Variants in LRRC74A observed in about 807,000 individuals in gnomAD.
LRRC74A encodes leucine-rich repeat-containing protein 74A.
In LRRC74A, 44 loss-of-function variants were observed where a neutral mutation model predicts 57.9. That is an observed-to-expected ratio of 0.76 (90% CI 0.60 to 0.98). The LOEUF (loss-of-function observed/expected upper bound fraction) is 0.98. Among genes scored for constraint, LRRC74A ranks in the 50% least tolerant of loss-of-function variants. The probability of loss-of-function intolerance (pLI) is 0.00; values close to 1 mark genes in which losing one functional copy is unlikely to be tolerated. For synonymous variants in LRRC74A, 211 were observed against 219.4 expected (o/e 0.96, Z 0.34); for missense variants, 572 against 574.0 (o/e 1.00, Z 0.04).
chr14:76,853,792 C>T lies in LRRC74A; in HGVS notation c.957+382C>T, dbSNP rs1186613946. On this transcript the variant is annotated intron_variant, in intron 9 of 13. Coordinates refer to ENST00000689127, the MANE Select transcript of LRRC74A (RefSeq NM_001385106.1). Reference sequence around the variant, plus strand: ...TTTTGAGACAGGGTCTGGCTCTGTCCCCCAGGCTGGAGTGCAGTGGTACAA... The same window carrying T: ...TTTTGAGACAGGGTCTGGCTCTGTCTCCCAGGCTGGAGTGCAGTGGTACAA... 3.9e-5 allele frequency among the ~76,000 whole-genome samples: 6 copies of T among 151,980 alleles called. No individual in the cohort carries two copies. The South Asian group carries it at 8.3e-4, about 21-fold the overall frequency.
chr14:76,847,499 C>T (rs1273494105), intron 7 of LRRC74A, among the ~76,000 whole-genome samples: 9 of 151,762 alleles, frequency 5.9e-5, no homozygotes, highest in East Asian at 5.8e-4. Flanking sequence ...TGAGAACACA[C>T]GAACACAGAG....
intron 3 of LRRC74A, among the ~76,000 whole-genome samples, chr14:76,831,621 T>C (rs533061459): frequency 2.2e-4 from 34 of 152,122 alleles, no homozygotes; most frequent in Admixed American, 5.9e-4. Flanking sequence ...AAAATAGAAG[T>C]CTATATACTC....
chr14:76,857,036 T>C (rs187407849), intron 9 of LRRC74A, among the ~76,000 whole-genome samples: 1 of 149,136 alleles, frequency 6.7e-6, no homozygotes, highest in African/African-American at 2.5e-5. Context: ...AGCAGTGAGA[T>C]GGATGAGTAT....
rs1896984689 is a variant in LRRC74A, at chr14:76,844,444, C to T, written c.566C>T (p.Ser189Phe). 1 of 1,612,520 alleles carries T rather than the reference C, an allele frequency of 6.2e-7. No individual in the cohort carries two copies. Among genetic ancestry groups the T allele is most frequent in the South Asian group, 1.1e-5 (1 of 90,664 alleles). Residue 189 changes from serine (S) to phenylalanine (F), a missense_variant, in exon 6 of 14, where the codon TCC (serine) becomes TTC (phenylalanine). Ser to Phe is a radical substitution (Grantham distance 155, BLOSUM62 -2). Transcript: ENST00000689127. ...ACAGGAAATGACTTCAAGGAAGACTCCGCAGCACTGCTCTGCCAAGCCCTG... is the reference window on the plus strand; with the variant it reads ...ACAGGAAATGACTTCAAGGAAGACTTCGCAGCACTGCTCTGCCAAGCCCTG... The part of the protein sequence containing the change: ...ELSGNDFKED[S>F]AALLCQALST...
intron 7 of LRRC74A, among the ~76,000 whole-genome samples, chr14:76,847,110 G>A (rs1897160284): frequency 6.6e-6 from 1 of 152,158 alleles, no homozygotes; most frequent in Non-Finnish European, 1.5e-5. Flanking sequence ...GAAAAGCGAG[G>A]TGGCAGGAGC....
chr14:76,850,877 G>GAAAC (rs1897434652), intron 7 of LRRC74A, among the ~76,000 whole-genome samples: 1 of 148,222 alleles, frequency 6.7e-6, no homozygotes, highest in South Asian at 2.2e-4. Flanking sequence ...AAGAAAGAAA[G>GAAAC]AAAGAAAAGA....
At chr14:76,856,967 TTGGATGGATGGATGGATGGA>T (rs150995860) in intron 9 of LRRC74A, among the ~76,000 whole-genome samples, 7 of 123,912 alleles carry the variant, frequency 5.6e-5, no homozygotes, top group South Asian at 5.4e-4. Flanking sequence ...AAGTTGGTGG[TTGGATGGATGGATGGATGGA>T]TGGATGGATG....
intron 11 of LRRC74A, among the ~76,000 whole-genome samples, chr14:76,865,277 A>G (rs1253736886): frequency 1.3e-5 from 2 of 152,158 alleles, no homozygotes; most frequent in African/African-American, 4.8e-5. Flanking sequence ...TCCAAAATAC[A>G]GTATTTGAGG....
At chr14:76,829,056 T>C (rs1370358776) in intron 2 of LRRC74A, 1 of 1,289,386 alleles carries the variant, frequency 7.8e-7, no homozygotes, top group African/African-American at 1.5e-5. Flanking sequence ...ACTCTGTTAA[T>C]GCAAATAACA....
intron 5 of LRRC74A, among the ~76,000 whole-genome samples, chr14:76,841,710 CTTT>C (rs1896784311): frequency 2.2e-5 from 2 of 91,788 alleles, no homozygotes; most frequent in Admixed American, 1.3e-4. Flanking sequence ...CTTTTTTTTT[CTTT>C]TTCTTTTTTT....
chr14:76,860,970 G>C, intron 11 of LRRC74A, 131 bp downstream of exon 11: 1 of 886,038 alleles, frequency 1.1e-6, no homozygotes, highest in South Asian at 2.0e-5. Flanking sequence ...GAATGTCTCA[G>C]TCCCTTGGAC....
intron 5 of LRRC74A, among the ~76,000 whole-genome samples, chr14:76,840,853 G>A (rs1056253324): frequency 2.0e-5 from 3 of 151,998 alleles, no homozygotes; most frequent in Non-Finnish European, 4.4e-5. Context: ...AAAGTGCTGG[G>A]ATTACAGGCA....
intron 10 of LRRC74A, among the ~76,000 whole-genome samples, chr14:76,857,984 G>A (rs1898027422): frequency 6.6e-6 from 1 of 152,158 alleles, no homozygotes; most frequent in Non-Finnish European, 1.5e-5. Context: ...GATCCTGCTG[G>A]GAACTCTTGC....
At chr14:76,854,183 G>A (rs189346578) in intron 9 of LRRC74A, among the ~76,000 whole-genome samples, 95 of 152,274 alleles carry the variant, frequency 6.2e-4, no homozygotes, top group African/African-American at 2.1e-3. Flanking sequence ...GGGATCCTCC[G>A]TCTAGGGGAC....
chr14:76,842,381 A>G (rs1464438953), intron 5 of LRRC74A, among the ~76,000 whole-genome samples: 1 of 152,238 alleles, frequency 6.6e-6, no homozygotes, highest in Non-Finnish European at 1.5e-5. Flanking sequence ...TAATGTGTTA[A>G]CATAGTACAG....
At position 76,856,504 on chromosome 14, in the gene LRRC74A, C is replaced by CTGGATGGATGGA. The variant is rs35536797; in HGVS notation, c.958-837_958-826dup. 3.4e-5 allele frequency among the ~76,000 whole-genome samples: 5 copies of CTGGATGGATGGA among 145,554 alleles called. 1 individual carries two copies. The highest frequency in any genetic ancestry group is 4.1e-4 in the East Asian group (2 of 4,838). On this transcript the variant is annotated intron_variant, in intron 9 of 13. Transcript: ENST00000689127. Reference sequence around the variant, plus strand: ...ATGGCAAGCCTCTAATTAATATGTGCTGGATGGATGGATGGATGGATGGAT... The same window carrying CTGGATGGATGGA: ...ATGGCAAGCCTCTAATTAATATGTGCTGGATGGATGGATGGATGGATGGATGGATGGATGGAT...
At chr14:76,843,545 A>G (rs1896922568) in intron 5 of LRRC74A, among the ~76,000 whole-genome samples, 1 of 152,108 alleles carries the variant, frequency 6.6e-6, no homozygotes, top group African/African-American at 2.4e-5. Flanking sequence ...GCTGCTAATG[A>G]ATGCACAGGG....
intron 3 of LRRC74A, among the ~76,000 whole-genome samples, chr14:76,834,769 G>A (rs963010843): frequency 6.6e-6 from 1 of 152,164 alleles, no homozygotes; most frequent in Non-Finnish European, 1.5e-5. Flanking sequence ...TCTGGCAGTG[G>A]TGATTCGACT....
chr14:76,852,009 C>T (rs1333267714), intron 7 of LRRC74A, among the ~76,000 whole-genome samples: 3 of 152,146 alleles, frequency 2.0e-5, no homozygotes, highest in East Asian at 1.9e-4. Context: ...TCTACAAGCA[C>T]CTTGCTCTTC....
Sources: allele counts gnomAD v4.1 joint callset (sites outside exome capture counted in the v4.1 genomes callset), GRCh38; gene constraint gnomAD v4.1.1; transcripts MANE v1.5; gene names NCBI Gene and HGNC (gene_info 2026-07-23, HGNC 2026-07-21).